CALN1: variants seen among roughly 807,000 people sequenced by gnomAD.
CALN1 encodes calneuron 1.
A neutral mutation model predicts 30.6 loss-of-function variants in CALN1; 17 were observed. That is an observed-to-expected ratio of 0.56 (90% CI 0.38 to 0.83). The LOEUF is 0.83. Ranked by LOEUF, CALN1 falls within the 40% of genes least tolerant of loss-of-function variation. The probability of loss-of-function intolerance (pLI) is 0.00; values close to 1 mark genes in which losing one functional copy is unlikely to be tolerated. For missense variants in CALN1, 291 were observed against 354.9 expected, an observed-to-expected ratio of 0.82 and a Z score of 1.45; for synonymous variants, 156 against 131.4, an observed-to-expected ratio of 1.19 and a Z score of -1.28.
chr7:72,207,977 A>G (rs1792016449), intron 3 of CALN1, among the ~76,000 whole-genome samples: 1 of 152,202 alleles, frequency 6.6e-6, no homozygotes, highest in African/African-American at 2.4e-5. Flanking sequence ...TATAACAGAC[A>G]TAAAGGCAGT....
chr7:72,153,802 A>C (rs1314790456), intron 3 of CALN1, among the ~76,000 whole-genome samples: 1 of 152,212 alleles, frequency 6.6e-6, no homozygotes, highest in Non-Finnish European at 1.5e-5. Context: ...AGTTTCTGCC[A>C]CTGGGCACTT....
At chr7:72,297,101 C>T (rs538049072) in intron 2 of CALN1, among the ~76,000 whole-genome samples, 2 of 152,066 alleles carry the variant, frequency 1.3e-5, no homozygotes, top group East Asian at 1.9e-4. Flanking sequence ...GCTTTGAATG[C>T]GTCCCAGAGA....
At chr7:72,024,454 A>C (rs1360035839) in intron 4 of CALN1, among the ~76,000 whole-genome samples, 1 of 152,142 alleles carries the variant, frequency 6.6e-6, no homozygotes, top group East Asian at 1.9e-4. Flanking sequence ...GCTGGAGTGC[A>C]ATGGCGTGAT....
intron 3 of CALN1, among the ~76,000 whole-genome samples, chr7:72,263,184 A>G (rs1288423068): frequency 1.3e-5 from 2 of 152,164 alleles, no homozygotes; most frequent in African/African-American, 4.8e-5. Flanking sequence ...TATTGTTCCC[A>G]TACTGTGTGT....
intron 3 of CALN1, among the ~76,000 whole-genome samples, chr7:72,196,200 C>T (rs1407693174): frequency 6.6e-6 from 1 of 152,058 alleles, no homozygotes; most frequent in Non-Finnish European, 1.5e-5. Context: ...TCACTGTGAC[C>T]TCTGCCTCGT....
intron 1 of CALN1, among the ~76,000 whole-genome samples, chr7:72,409,631 A>G (rs1267481101): frequency 1.3e-5 from 2 of 151,952 alleles, no homozygotes; most frequent in Non-Finnish European, 2.9e-5. Flanking sequence ...AATTCCAATC[A>G]CTGGGAGCAA....
chr7:72,217,615 G>A lies in CALN1; in HGVS notation c.244+61071C>T, dbSNP rs749854128. Among the ~76,000 whole-genome samples, 27 of 152,128 alleles carry A rather than the reference G, an allele frequency of 1.8e-4. 1 individual carries two copies. In the Middle Eastern group the frequency reaches 0.01, roughly 57 times the overall value. On this transcript the variant is annotated intron_variant, in intron 3 of 6. Transcript: ENST00000395275. ...TGTCATCAGAGAAGGTCTAGGGGAA[G>A]AAGGACGATTTCACAGGCATCTCTA...
intron 5 of CALN1, among the ~76,000 whole-genome samples, chr7:71,978,060 G>GT (rs1472956308): frequency 6.6e-6 from 1 of 151,464 alleles, no homozygotes; most frequent in African/African-American, 2.4e-5. Flanking sequence ...TCCAAGCAAA[G>GT]TGTAGGCTCA....
chr7:72,102,705 C>CT (rs1330718976), intron 4 of CALN1, among the ~76,000 whole-genome samples: 2 of 152,086 alleles, frequency 1.3e-5, no homozygotes, highest in Non-Finnish European at 2.9e-5. Context: ...GCAGAAGCAA[C>CT]TATAGAGACA....
At chr7:72,299,895 T>G (rs1799138180) in intron 2 of CALN1, among the ~76,000 whole-genome samples, 5 of 151,990 alleles carry the variant, frequency 3.3e-5, no homozygotes, top group Admixed American at 3.3e-4. Flanking sequence ...TGTTTTGTTT[T>G]TTTGTTTGTT....
chr7:72,225,240 G>A (rs1270530013), intron 3 of CALN1, among the ~76,000 whole-genome samples: 2 of 152,042 alleles, frequency 1.3e-5, no homozygotes, highest in Admixed American at 6.6e-5. Flanking sequence ...CTCTTCCTCA[G>A]GGAAGCTTCC....
intron 3 of CALN1, among the ~76,000 whole-genome samples, chr7:72,218,077 C>T (rs1388710907): frequency 1.3e-5 from 2 of 151,110 alleles, no homozygotes; most frequent in African/African-American, 2.4e-5. Context: ...CTCCTGACCT[C>T]GTGATCCGCC....
At chr7:72,295,654 GCT>G (rs1301582362) in intron 2 of CALN1, among the ~76,000 whole-genome samples, 1 of 141,610 alleles carries the variant, frequency 7.1e-6, no homozygotes, top group Non-Finnish European at 1.5e-5. Flanking sequence ...TCATGATTTG[GCT>G]CTCTGTTTGT....
At chr7:72,211,850 G>C (rs2129548273) in intron 3 of CALN1, among the ~76,000 whole-genome samples, 1 of 152,170 alleles carries the variant, frequency 6.6e-6, no homozygotes, top group East Asian at 1.9e-4. Context: ...CTCTCAAATG[G>C]AAATATGATA....
intron 6 of CALN1, among the ~76,000 whole-genome samples, chr7:71,800,864 A>G (rs955358527): frequency 6.6e-6 from 1 of 152,158 alleles, no homozygotes; most frequent in Non-Finnish European, 1.5e-5. Context: ...CAGGTTTGTT[A>G]AATAGGTAAA....
At chr7:72,453,791 A>G in the CALN1 span, among the ~76,000 whole-genome samples, 13 of 152,212 alleles carry the variant, frequency 8.5e-5, no homozygotes, top group African/African-American at 3.1e-4. Flanking sequence ...GGGCACAGAT[A>G]ATGCACTTTG....
the CALN1 span, among the ~76,000 whole-genome samples, chr7:72,501,928 A>AAAATAT: frequency 3.5e-4 from 20 of 57,968 alleles, no homozygotes; most frequent in African/African-American, 1.3e-3. Flanking sequence ...AAAAAAAAAA[A>AAAATAT]ATATATATAT....
At chr7:72,229,446 G>A (rs1489180731) in intron 3 of CALN1, among the ~76,000 whole-genome samples, 2 of 151,930 alleles carry the variant, frequency 1.3e-5, no homozygotes, top group Non-Finnish European at 2.9e-5. Flanking sequence ...GTACCCAAAT[G>A]ATTATAAATC....
chr7:72,137,905 G>C (rs1809622240), intron 3 of CALN1, among the ~76,000 whole-genome samples: 1 of 152,126 alleles, frequency 6.6e-6, no homozygotes. Flanking sequence ...GAGAGAGAAT[G>C]ATACGGAAAT....
Sources: gnomAD v4.1 joint callset for allele counts (sites outside exome capture counted in the v4.1 genomes callset) on GRCh38, gnomAD v4.1.1 for gene constraint, MANE v1.5 for transcripts, NCBI Gene and HGNC (gene_info 2026-07-23, HGNC 2026-07-21) for gene names.